The following AKT1 variants were observed in gnomAD, a reference collection of about 807,000 sequenced individuals.
AKT1 encodes the protein AKT serine/threonine kinase 1.
AKT1 carries 21 observed loss-of-function variants against 63.1 expected under a neutral mutation model. That is an observed-to-expected ratio of 0.33 (90% CI 0.24 to 0.48). The LOEUF is 0.48. Among genes scored for constraint, AKT1 ranks in the 20% least tolerant of loss-of-function variants. The pLI is 0.99. For missense variants in AKT1, 382 were observed against 666.0 expected, an observed-to-expected ratio of 0.57 and a Z score of 4.69; for synonymous variants, 257 against 253.1, an observed-to-expected ratio of 1.02 and a Z score of -0.15.
At position 104,775,064 on chromosome 14, in the gene AKT1, C is replaced by T. The variant is rs201432590; in HGVS notation, c.567+12G>A. ...CCCTCATCTCCACCCTGCCCCACCG[C>T]CCCGGCCCCACCTTGGCCACGATGA... On this transcript the variant is annotated intron_variant, in intron 7 of 14. Coordinates refer to ENST00000649815, the MANE Select transcript of AKT1 (RefSeq NM_001382430.1). The T allele has an allele frequency of 4.8e-5, 77 of 1,613,718 alleles. No individual in the cohort carries two copies. In the African/African-American group the frequency reaches 9.5e-4, roughly 20 times the overall value.
At chr14:104,774,536 C>T (rs1346614163) in intron 8 of AKT1, 1 of 251,910 alleles carries the variant, frequency 4.0e-6, no homozygotes, top group Non-Finnish European at 7.7e-6. Context: ...TGGAACTAAC[C>T]AAGTGGCTGG....
At chr14:104,792,925 G>C (rs1287612157) in intron 2 of AKT1, 1 of 582,196 alleles carries the variant, frequency 1.7e-6, no homozygotes, top group African/African-American at 1.9e-5. Context: ...GGGCTGCCAA[G>C]TGTCAAATCC....
chr14:104,773,735 C>T (rs909167497), intron 9 of AKT1, 155 bp from the exon 10 acceptor site: 1 of 1,290,578 alleles, frequency 7.7e-7, no homozygotes, highest in Non-Finnish European at 1.1e-6. Flanking sequence ...GAAGCCCTAA[C>T]TCAGCAGGAA....
intron 4 of AKT1, 26 bp from the exon 5 acceptor site, chr14:104,776,796 G>C (rs749137170): frequency 1.2e-6 from 2 of 1,601,118 alleles, no homozygotes; most frequent in South Asian, 1.1e-5. Flanking sequence ...GCCTCTGTCT[G>C]CGTGCATCCC....
Position 104,772,950 on chromosome 14 carries a change from C to T in AKT1, c.1100G>A (p.Arg367His), listed in dbSNP as rs369520527. 10 of 1,613,952 alleles carry T rather than the reference C, an allele frequency of 6.2e-6. No individual in the cohort carries two copies. Among genetic ancestry groups the T allele is most frequent in the African/African-American group, 1.3e-5 (1 of 74,920 alleles). Residue 367 changes from arginine to histidine, a missense_variant, in exon 12 of 15, where the codon CGC (arginine) becomes CAC (histidine). Physicochemically the swap from Arg to His is conservative, Grantham distance 29. Transcript: ENST00000649815. ...CTCGGGACCAAGCGTGCGCGGGAAG[C>T]GGATCTCCTCCATGAGGATGAGCTC... Reference protein sequence around the residue: ...LFELILMEEIRFPRTLGPEAK... With the variant: ...LFELILMEEIHFPRTLGPEAK...
intron 6 of AKT1, 95 bp downstream of exon 6, chr14:104,775,553 CTGAG>C (rs2140921142): frequency 6.7e-7 from 1 of 1,488,020 alleles, no homozygotes; most frequent in South Asian, 1.3e-5. Context: ...CCGTGGAGTG[CTGAG>C]TGTCTCCTGG....
At chr14:104,794,188 G>C (rs1357555030) in intron 1 of AKT1, 1 of 152,426 alleles carries the variant, frequency 6.6e-6, no homozygotes, top group Non-Finnish European at 1.5e-5. Context: ...GGCACCGCAG[G>C]ACTCCGAGGG....
intron 5 of AKT1, chr14:104,776,046 C>A (rs1286206871): frequency 9.4e-5 from 43 of 455,778 alleles, no homozygotes; most frequent in Non-Finnish European, 1.4e-4. Flanking sequence ...CGGACTCCAA[C>A]CCCCAGCAGG....
chr14:104,779,743 C>A (rs1321192532), intron 4 of AKT1, among the ~76,000 whole-genome samples: 7 of 150,128 alleles, frequency 4.7e-5, no homozygotes, highest in South Asian at 4.2e-4. Context: ...GGGACTCGGA[C>A]CAGAGACCCC....
In AKT1 at chr14:104,776,685, G is replaced by C; in HGVS notation, c.261C>G (p.Thr87=). The C allele has an allele frequency of 6.2e-7, 1 of 1,613,426 alleles. No homozygotes were observed. The change falls in exon 5 of 15, where the codon ACC becomes ACG. Residue 87 remains threonine, a synonymous_variant. Transcript: ENST00000649815. The part of the protein sequence containing the change: ...CLQWTTVIER[T]FHVETPEERE... Reference sequence around the variant, plus strand: ...GCTCCTCAGGAGTCTCCACATGGAAGGTGCGTTCGATGACAGTGGTCCACT... The same window carrying C: ...GCTCCTCAGGAGTCTCCACATGGAACGTGCGTTCGATGACAGTGGTCCACT...
chr14:104,784,959 T>A (rs1409590036), intron 3 of AKT1, among the ~76,000 whole-genome samples: 1 of 152,208 alleles, frequency 6.6e-6, no homozygotes, highest in Non-Finnish European at 1.5e-5. Flanking sequence ...CTCAGGAAAC[T>A]GCTGGATAAA....
At chr14:104,787,604 G>A (rs909657565) in intron 3 of AKT1, among the ~76,000 whole-genome samples, 2 of 152,208 alleles carry the variant, frequency 1.3e-5, no homozygotes, top group African/African-American at 2.4e-5. Context: ...CTAGGAACCC[G>A]GCCTGATGCA....
Position 104,772,922 on chromosome 14 carries a change from G to A in AKT1, c.1128C>T (p.Ala376=), listed in dbSNP as rs2140900671. The A allele has an allele frequency of 6.2e-7, 1 of 1,613,636 alleles. No individual in the cohort carries two copies. ...TGAGCAGCCCTGAAAGCAAGGACTT[G>A]GCCTCGGGACCAAGCGTGCGCGGGA... The part of the protein sequence containing the change: ...IRFPRTLGPE[A]KSLLSGLLKK... The change falls in exon 12 of 15, where the codon GCC becomes GCT. Residue 376 remains alanine (A), a synonymous_variant. Transcript: ENST00000649815.
At position 104,775,663 on chromosome 14, in the gene AKT1, T is replaced by G; in HGVS notation, c.424A>C (p.Lys142Gln). 6.2e-7 allele frequency: 1 copy of G among 1,613,992 alleles called. No individual in the cohort carries two copies. Among genetic ancestry groups the G allele is most frequent in the Non-Finnish European group, 8.5e-7 (1 of 1,179,942 alleles). The change falls in exon 6 of 15, where the codon AAG becomes CAG. Residue 142 changes from lysine (K) to glutamine (Q), a missense_variant. Lys to Gln is a moderately conservative substitution (Grantham distance 53). Around this residue, in one of 3 missense-constraint regions of AKT1, gnomAD observed 226 missense variants for 366.4 expected, o/e 0.62. Coordinates refer to ENST00000649815, the MANE Select transcript of AKT1 (RefSeq NM_001382430.1). ...GGGACAGGCCTCACCACGCGGTGCT[T>G]GGGCTTGGCCAGGGACACCTCCATC... ...EEMEVSLAKP[K>Q]HRVTMNEFEY...
intron 4 of AKT1, chr14:104,778,465 AGGCT>A (rs144724119): frequency 0.014 from 2,180 of 152,324 alleles, 28 homozygotes; most frequent in Middle Eastern, 0.04. Context: ...TGCTGGCTTG[AGGCT>A]GGAAGAGCCA....
chr14:104,783,862 G>T (rs1346762188), intron 3 of AKT1, among the ~76,000 whole-genome samples: 1 of 152,210 alleles, frequency 6.6e-6, no homozygotes, highest in African/African-American at 2.4e-5. Flanking sequence ...ACCCCGGCCT[G>T]GGCCTCAGGG....
Position 104,775,809 on chromosome 14 carries a change from G to A in AKT1, c.288-10C>T. On this transcript the variant is annotated splice_polypyrimidine_tract_variant and intron_variant, in intron 5 of 14. Transcript: ENST00000649815. ...GGTTGTCCACTCCTCCCTGCAGGAG[G>A]TCAGGTGAGGCTGCAGGCCTGTACC... is the stretch of plus-strand genomic sequence containing the variant. 2 of 1,613,242 alleles carry A rather than the reference G, an allele frequency of 1.2e-6. No homozygotes were observed. Among genetic ancestry groups the A allele is most frequent in the African/African-American group, 1.3e-5 (1 of 75,024 alleles).
At chr14:104,786,893 C>T (rs925228635) in intron 3 of AKT1, among the ~76,000 whole-genome samples, 2 of 152,166 alleles carry the variant, frequency 1.3e-5, no homozygotes, top group African/African-American at 2.4e-5. Context: ...CCTGGCCAGC[C>T]GAAGGGCCTC....
intron 8 of AKT1, chr14:104,774,388 C>T (rs1892592294): frequency 3.8e-6 from 1 of 264,438 alleles, no homozygotes; most frequent in East Asian, 8.3e-5. Flanking sequence ...GGGGACAGTG[C>T]TCCCAGCACC....
Sources: gnomAD v4.1 joint callset for allele counts (sites outside exome capture counted in the v4.1 genomes callset) on GRCh38, gnomAD v4.1.1 for gene constraint, gnomAD v4.1.1 regional missense constraint, MANE v1.5 for transcripts, NCBI Gene and HGNC (gene_info 2026-07-23, HGNC 2026-07-21) for gene names.